The following NCS1 variants were observed in gnomAD, a reference collection of about 807,000 sequenced individuals.
The protein encoded by NCS1 is neuronal calcium sensor 1, also known as frequenin homolog.
In NCS1, 6 loss-of-function variants were observed where a neutral mutation model predicts 28.4. The ratio of observed to expected loss-of-function variants is 0.21; its 90% CI spans 0.12 to 0.42. The LOEUF is 0.42. Ranked by LOEUF, NCS1 falls within the 10% of genes least tolerant of loss-of-function variation. The pLI, the probability that NCS1 is intolerant of heterozygous loss-of-function variation, is 1.00. For synonymous variants in NCS1, 86 were observed against 99.3 expected, an observed-to-expected ratio of 0.87 and a Z score of 0.79; for missense variants, 131 against 241.4, an observed-to-expected ratio of 0.54 and a Z score of 3.03.
In NCS1 at chr9:130,235,841, A is replaced by G. The variant is rs1833581691; in HGVS notation, c.*2869A>G. 1 of 152,304 alleles carries G rather than the reference A, an allele frequency of 6.6e-6. No individual in the cohort carries two copies. Among genetic ancestry groups the G allele is most frequent in the South Asian group, 2.1e-4 (1 of 4,828 alleles). 9.4% of individuals were successfully genotyped at this position (152,304 alleles called of 1,614,324 possible). ...TGCCACCCAATGCGGCTCGCTTCAGATGCTCTGATGCAGAGGGCACGCCCA... is the reference window on the plus strand; with the variant it reads ...TGCCACCCAATGCGGCTCGCTTCAGGTGCTCTGATGCAGAGGGCACGCCCA... On this transcript the variant is annotated 3_prime_UTR_variant, in exon 8 of 8. Coordinates refer to ENST00000372398, the MANE Select transcript of NCS1 (RefSeq NM_014286.4).
chr9:130,230,380 T>G (rs1204106444), intron 7 of NCS1, among the ~76,000 whole-genome samples: 1 of 151,916 alleles, frequency 6.6e-6, no homozygotes, highest in East Asian at 1.9e-4. Context: ...TTATCTGTTA[T>G]GGAAACATTC....
intron 7 of NCS1, among the ~76,000 whole-genome samples, chr9:130,231,937 T>G (rs193070170): frequency 1.3e-5 from 2 of 151,770 alleles, no homozygotes; most frequent in East Asian, 3.9e-4. Context: ...ACTGTGGTTT[T>G]TTGTTGTTGT....
chr9:130,210,410 A>G (rs1554908624), intron 2 of NCS1, among the ~76,000 whole-genome samples: 2 of 150,976 alleles, frequency 1.3e-5, no homozygotes, highest in Non-Finnish European at 3.0e-5. Flanking sequence ...GAAAAAAAAA[A>G]AAAAAGAAAG....
intron 1 of NCS1, among the ~76,000 whole-genome samples, chr9:130,189,909 T>TATATATATATATATATATATA (rs1564704684): frequency 1.6e-5 from 2 of 125,762 alleles, no homozygotes; most frequent in Admixed American, 8.3e-5. Context: ...TATATATATA[T>TATATATATATATATATATATA]TCCCAAGGTC....
rs1202868705 is a variant in NCS1, at chr9:130,215,406, G to A, written c.90-2426G>A. ...CTTCTTGCTTGGCCAATCCAAGCAG[G>A]GGCTCAGAACAGACCTCAGGGCTGA... On this transcript the variant is annotated intron_variant, in intron 2 of 7. Coordinates refer to ENST00000372398, the MANE Select transcript of NCS1 (RefSeq NM_014286.4). This position sits in a 1 kb window ranked among gnomAD's most constrained non-coding sequence, Gnocchi z 4.2. Among the ~76,000 whole-genome samples, 2 of 152,140 alleles carry A rather than the reference G, an allele frequency of 1.3e-5. No homozygotes were observed. The highest frequency in any genetic ancestry group is 2.9e-5 in the Non-Finnish European group (2 of 68,036).
chr9:130,182,792 G>A (rs948987784), intron 1 of NCS1, among the ~76,000 whole-genome samples: 11 of 152,232 alleles, frequency 7.2e-5, no homozygotes, highest in Non-Finnish European at 1.5e-4. Context: ...GCCTTGTCAC[G>A]GACAAGGTGG....
At chr9:130,185,330 C>T (rs574134389) in intron 1 of NCS1, among the ~76,000 whole-genome samples, 1 of 152,274 alleles carries the variant, frequency 6.6e-6, no homozygotes, top group Admixed American at 6.5e-5. Context: ...AATGAGAAAA[C>T]AAGTACATAA....
rs1554906225 is a variant in NCS1, at chr9:130,191,163, G to A, written c.65-9795G>A. 6.6e-6 allele frequency among the ~76,000 whole-genome samples: 1 copy of A among 152,214 alleles called. No individual in the cohort carries two copies. The highest frequency in any genetic ancestry group is 1.5e-5 in the Non-Finnish European group (1 of 68,032). On this transcript the variant is annotated intron_variant, in intron 1 of 7. Coordinates refer to ENST00000372398, the MANE Select transcript of NCS1 (RefSeq NM_014286.4). This position sits in a 1 kb window ranked among gnomAD's most constrained non-coding sequence, Gnocchi z 6.4. The stretch of plus-strand genomic sequence containing the variant: ...CAGGGAGCACGCTGACCCAGGCCAC[G>A]TGGCGACTGGATAGTTGGTAGACCC...
At chr9:130,173,386 G>T (rs1290711348) in intron 1 of NCS1, among the ~76,000 whole-genome samples, 1 of 152,158 alleles carries the variant, frequency 6.6e-6, no homozygotes, top group Non-Finnish European at 1.5e-5. Flanking sequence ...ATTAGCTGTC[G>T]CGGGCTGCCC....
chr9:130,211,395 C>T (rs1395785624), intron 2 of NCS1, among the ~76,000 whole-genome samples: 2 of 151,458 alleles, frequency 1.3e-5, no homozygotes, highest in Admixed American at 1.3e-4. Context: ...CCATGCTGAG[C>T]ACCTTGAGTC....
chr9:130,235,936 C>T lies in NCS1; in HGVS notation c.*2964C>T, dbSNP rs1179112231. 1 of 152,416 alleles carries T rather than the reference C, an allele frequency of 6.6e-6. No homozygotes were observed. The highest frequency in any genetic ancestry group is 1.5e-5 in the Non-Finnish European group (1 of 68,192). 9.4% of individuals were successfully genotyped at this position (152,416 alleles called of 1,614,324 possible). On this transcript the variant is annotated 3_prime_UTR_variant, in exon 8 of 8. Coordinates refer to ENST00000372398, the MANE Select transcript of NCS1 (RefSeq NM_014286.4). Reference sequence around the variant, plus strand: ...GCCCCAGGCGGCCAGTCGGCCACGGCCTGTCCTCTTCCTCGTAGCGTCTGC... The same window carrying T: ...GCCCCAGGCGGCCAGTCGGCCACGGTCTGTCCTCTTCCTCGTAGCGTCTGC...
At chr9:130,183,777 TC>T (rs1832702872) in intron 1 of NCS1, among the ~76,000 whole-genome samples, 1 of 151,116 alleles carries the variant, frequency 6.6e-6, no homozygotes, top group African/African-American at 2.4e-5. Flanking sequence ...TTTCCTTCCT[TC>T]CTTTTCTTTT....
intron 1 of NCS1, among the ~76,000 whole-genome samples, chr9:130,187,538 C>A (rs1241414314): frequency 1.3e-5 from 2 of 152,188 alleles, no homozygotes; most frequent in African/African-American, 4.8e-5. Context: ...CTCCTGTGGT[C>A]CCTGCAGGAG....
chr9:130,224,415 A>G (rs1369696375), intron 6 of NCS1, among the ~76,000 whole-genome samples: 2 of 146,282 alleles, frequency 1.4e-5, no homozygotes, highest in African/African-American at 5.1e-5. Context: ...AAAATTATCC[A>G]GGCATGATGG....
intron 2 of NCS1, among the ~76,000 whole-genome samples, chr9:130,204,687 G>T (rs758029564): frequency 3.9e-4 from 59 of 152,210 alleles, no homozygotes; most frequent in Non-Finnish European, 7.8e-4. Flanking sequence ...GAAAAGGAGG[G>T]GGATAATAGT....
In NCS1 at chr9:130,177,108, C is replaced by T. The variant is rs1554904715; in HGVS notation, c.64+4381C>T. Among the ~76,000 whole-genome samples the T allele has an allele frequency of 6.6e-6, 1 of 152,202 alleles. No individual in the cohort carries two copies. The highest frequency in any genetic ancestry group is 1.5e-5 in the Non-Finnish European group (1 of 68,042). ...TCTCCTCTGCCTTTTCCCTAATGCCCAGAATGGTGCCGGCACACAGGAGCA... is the reference window on the plus strand; with the variant it reads ...TCTCCTCTGCCTTTTCCCTAATGCCTAGAATGGTGCCGGCACACAGGAGCA... On this transcript the variant is annotated intron_variant, in intron 1 of 7. Transcript: ENST00000372398. This position sits in a 1 kb window ranked among gnomAD's most constrained non-coding sequence, Gnocchi z 4.4.
intron 1 of NCS1, among the ~76,000 whole-genome samples, chr9:130,183,796 C>G (rs1832703229): frequency 6.9e-6 from 1 of 144,880 alleles, no homozygotes; most frequent in Admixed American, 7.1e-5. Context: ...TTTCCCTTCC[C>G]TCCTTCTTTT....
chr9:130,222,525 G>A, intron 4 of NCS1, 125 bp from the exon 5 acceptor site: 1 of 742,888 alleles, frequency 1.3e-6, no homozygotes, highest in Non-Finnish European at 2.4e-6. Flanking sequence ...AATATTAGTT[G>A]ACCTGATGAG....
chr9:130,188,287 A>G (rs868972190), intron 1 of NCS1, among the ~76,000 whole-genome samples: 1 of 152,310 alleles, frequency 6.6e-6, no homozygotes, highest in African/African-American at 2.4e-5. Flanking sequence ...TTGGACCTGC[A>G]GCCTCTCCTG....
Sources: allele counts gnomAD v4.1 joint callset (sites outside exome capture counted in the v4.1 genomes callset), GRCh38; gene constraint gnomAD v4.1.1; non-coding constraint Gnocchi (gnomAD v3.1); transcripts MANE v1.5; gene names NCBI Gene and HGNC (gene_info 2026-07-23, HGNC 2026-07-21).